The following BPTF variants were observed in gnomAD, a reference collection of about 807,000 sequenced individuals.
BPTF encodes the protein bromodomain PHD finger transcription factor.
A neutral mutation model predicts 292.5 loss-of-function variants in BPTF; 18 were observed. The ratio of observed to expected loss-of-function variants is 0.06; its 90% confidence interval spans 0.04 to 0.09. BPTF has a LOEUF of 0.09. Among genes scored for constraint, BPTF ranks in the 10% least tolerant of loss-of-function variants. BPTF has a pLI of 1.00. For missense variants in BPTF, 2,726 were observed against 3,498.7 expected, an observed-to-expected ratio of 0.78 and a Z score of 5.57; for synonymous variants, 1,225 against 1,251.9, an observed-to-expected ratio of 0.98 and a Z score of 0.45.
intron 27 of BPTF, among the ~76,000 whole-genome samples, chr17:67,976,714 A>ATAAG (rs1338290381): frequency 0.015 from 1,780 of 116,532 alleles, 76 homozygotes; most frequent in Middle Eastern, 0.044. Context: ...AAAAAAAAAA[A>ATAAG]ATAAGAATAA....
At chr17:67,881,683 T>C (rs2060416592) in intron 4 of BPTF, among the ~76,000 whole-genome samples, 1 of 151,468 alleles carries the variant, frequency 6.6e-6, no homozygotes, top group Admixed American at 6.6e-5. Context: ...TTTGTATTTA[T>C]AGTAGAGATG....
In BPTF at chr17:67,856,791, T is replaced by A. The variant is rs4790908; in HGVS notation, c.1436+2029T>A. 2.0e-5 allele frequency among the ~76,000 whole-genome samples: 3 copies of A among 152,122 alleles called. No homozygotes were observed. The East Asian group carries it at 5.8e-4, about 29-fold the overall frequency. On this transcript the variant is annotated intron_variant, in intron 2 of 27. Coordinates refer to ENST00000306378, the MANE Select transcript of BPTF (RefSeq NM_182641.4). ...TTATTGTGCACACAGCATTTACTAC[T>A]TGTATTGTCACTTAAATCCTCAGTT...
chr17:67,895,722 G>A (rs1296619357), intron 7 of BPTF, among the ~76,000 whole-genome samples: 3 of 152,006 alleles, frequency 2.0e-5, no homozygotes, highest in Middle Eastern at 3.2e-3. Flanking sequence ...TCAGCCTACC[G>A]GAGTGCTGGG....
At chr17:67,974,129 C>T (rs2069111677) in intron 26 of BPTF, 1 of 152,002 alleles carries the variant, frequency 6.6e-6, no homozygotes, top group South Asian at 2.1e-4. Context: ...GTCTGTCTAC[C>T]CTAGATTGAT....
intron 23 of BPTF, chr17:67,957,431 G>A (rs1324865606): frequency 2.0e-4 from 30 of 152,242 alleles, no homozygotes; most frequent in African/African-American, 7.2e-4. Flanking sequence ...TTTGGCCAAA[G>A]TGGCTCACAC....
At chr17:67,915,385 A>G (rs900910273) in intron 11 of BPTF, among the ~76,000 whole-genome samples, 14 of 152,174 alleles carry the variant, frequency 9.2e-5, no homozygotes, top group African/African-American at 3.1e-4. Flanking sequence ...CGGGGAAAGC[A>G]TTTGTCACCT....
intron 2 of BPTF, among the ~76,000 whole-genome samples, chr17:67,856,677 C>T (rs778438321): frequency 2.6e-5 from 4 of 152,150 alleles, no homozygotes; most frequent in African/African-American, 9.7e-5. Context: ...GGAGCAATGG[C>T]ATGGAAGGGC....
Position 67,893,585 on chromosome 17 carries a change from G to A in BPTF, c.2271G>A (p.Leu757=), listed in dbSNP as rs7214985. The change falls in exon 6 of 28, where the codon CTG becomes CTA. Residue 757 remains leucine (L), a synonymous_variant. Transcript: ENST00000306378. ...GGCATCTTGCACATAAGTTCTGTCT[G>A]ACTCCAGCAGGAGAGTTCAAATGGA... ...KRRHLAHKFC[L]TPAGEFKWNG... 5.6e-3 allele frequency: 9,013 copies of A among 1,613,020 alleles called. 478 individuals are homozygous for A. The African/African-American group carries it at 0.11, about 19-fold the overall frequency.
Position 67,959,546 on chromosome 17 carries a change from G to A in BPTF, c.7932G>A (p.Glu2644=), listed in dbSNP as rs1598925651. 3 of 1,519,632 alleles carry A rather than the reference G, an allele frequency of 2.0e-6. No homozygotes were observed. The African/African-American group carries it at 4.2e-5, about 21-fold the overall frequency. The allele number at this position is 1,519,632 out of a possible 1,614,324, so 94.1% of individuals were successfully genotyped here. The change falls in exon 24 of 28, where the codon GAG becomes GAA. Residue 2644 remains glutamate, a synonymous_variant. Coordinates refer to ENST00000306378, the MANE Select transcript of BPTF (RefSeq NM_182641.4). ...TTGTCTTTAATTGATAACAGGAAGAGCTGAAGAGAGACCTGAAAATTAAGA... is the reference window on the plus strand; with the variant it reads ...TTGTCTTTAATTGATAACAGGAAGAACTGAAGAGAGACCTGAAAATTAAGA... ...DKDLQIEVQE[E]LKRDLKIKKE... is the part of the protein sequence containing the mutation.
intron 18 of BPTF, among the ~76,000 whole-genome samples, chr17:67,939,102 A>G (rs2065160626): frequency 6.6e-6 from 1 of 152,218 alleles, no homozygotes; most frequent in Non-Finnish European, 1.5e-5. Flanking sequence ...CTATATTCCT[A>G]CTATGAACCC....
intron 8 of BPTF, among the ~76,000 whole-genome samples, 172 bp from the exon 9 acceptor site, chr17:67,904,530 A>G (rs1314090339): frequency 2.0e-5 from 3 of 152,222 alleles, no homozygotes; most frequent in African/African-American, 4.8e-5. Flanking sequence ...CCCAGTGAAA[A>G]CTAAATTGAT....
At chr17:67,947,636 CAT>C (rs1457649488) in intron 21 of BPTF, 88 bp from the exon 22 acceptor site, 19 of 957,956 alleles carry the variant, frequency 2.0e-5, no homozygotes, top group African/African-American at 8.4e-5. Flanking sequence ...TAAAAAAACA[CAT>C]ATGTGCTCAA....
At position 67,826,145 on chromosome 17, in the gene BPTF, G is replaced by A; in HGVS notation, c.421G>A (p.Val141Ile). The A allele has an allele frequency of 1.3e-6, 2 of 1,485,910 alleles. No homozygotes were observed. The highest frequency in any genetic ancestry group is 1.9e-6 in the Non-Finnish European group (2 of 1,064,632). 92.0% of individuals were successfully genotyped at this position (1,485,910 alleles called of 1,614,324 possible). A position where few individuals can be genotyped will look rare whatever the true frequency, so the allele number is the denominator to read the frequency against. ...GGAGGAGGAGGAAGAGGAGGACATG[G>A]TCTCCGAGGAGGAGGAGGAGGAGGA... ...SEEEEEEEDMVSEEEEEEDGD... is the reference protein window; with the variant it reads ...SEEEEEEEDMISEEEEEEDGD... Residue 141 changes from valine to isoleucine, a missense_variant, in exon 1 of 28, where the codon GTC becomes ATC. Val to Ile is a conservative substitution (Grantham distance 29, BLOSUM62 3). Around this residue, in one of 22 missense-constraint regions of BPTF, gnomAD observed 153 missense variants for 178.3 expected, o/e 0.86. Coordinates refer to ENST00000306378, the MANE Select transcript of BPTF (RefSeq NM_182641.4).
At chr17:67,938,941 A>G (rs1224110048) in intron 18 of BPTF, among the ~76,000 whole-genome samples, 3 of 152,228 alleles carry the variant, frequency 2.0e-5, no homozygotes, top group Non-Finnish European at 4.4e-5. Context: ...TAATTGAGGA[A>G]ATTTAGCACT....
intron 1 of BPTF, among the ~76,000 whole-genome samples, chr17:67,833,198 G>T (rs1187784657): frequency 6.6e-6 from 1 of 151,394 alleles, no homozygotes; most frequent in Non-Finnish European, 1.5e-5. Context: ...ATCTTAACAT[G>T]TATCAGTACT....
intron 26 of BPTF, among the ~76,000 whole-genome samples, chr17:67,970,367 G>A (rs971918397): frequency 1.3e-5 from 2 of 152,022 alleles, no homozygotes; most frequent in Non-Finnish European, 2.9e-5. Context: ...TACTGTACTC[G>A]AGCCTAGGCA....
At chr17:67,963,403 G>C in intron 24 of BPTF, 1 of 1,535,956 alleles carries the variant, frequency 6.5e-7, no homozygotes, top group Non-Finnish European at 8.7e-7. Flanking sequence ...AGAAAAGGAG[G>C]CTAAGAAAAT....
At chr17:67,867,335 T>C (rs1256740820) in intron 3 of BPTF, among the ~76,000 whole-genome samples, 1 of 152,270 alleles carries the variant, frequency 6.6e-6, no homozygotes, top group Non-Finnish European at 1.5e-5. Flanking sequence ...TTTTGCCTTT[T>C]TAAAAAAATA....
At chr17:67,957,189 A>G (rs1555681523) in intron 23 of BPTF, 1 of 152,254 alleles carries the variant, frequency 6.6e-6, no homozygotes, top group Non-Finnish European at 1.5e-5. Context: ...AGGCTGAGGC[A>G]GGTGAATCAC....
Sources: gnomAD v4.1 joint callset for allele counts (sites outside exome capture counted in the v4.1 genomes callset) on GRCh38, gnomAD v4.1.1 for gene constraint, gnomAD v4.1.1 regional missense constraint, MANE v1.5 for transcripts, NCBI Gene and HGNC (gene_info 2026-07-23, HGNC 2026-07-21) for gene names.